The following KIF16B variants were observed in gnomAD, a reference collection of about 807,000 sequenced individuals.
KIF16B encodes kinesin-like protein KIF16B.
KIF16B carries 98 observed loss-of-function variants against 156.3 expected under a neutral mutation model. The observed-to-expected ratio is 0.63, with a 90% CI of 0.53 to 0.74. The LOEUF is 0.74. Among genes scored for constraint, KIF16B ranks in the 30% least tolerant of loss-of-function variants. The pLI is 0.00. For synonymous variants in KIF16B, 564 were observed against 583.7 expected, an observed-to-expected ratio of 0.97 and a Z score of 0.49; for missense variants, 1,421 against 1,606.5, an observed-to-expected ratio of 0.88 and a Z score of 1.97.
chr20:16,497,504 G>C, intron 11 of KIF16B, 109 bp downstream of exon 11: 2 of 811,150 alleles, frequency 2.5e-6, no homozygotes, highest in Admixed American at 4.5e-5. Context: ...AGGAGGCTAA[G>C]TGCAATAAAG....
At chr20:16,501,691 C>T (rs2068631173) in intron 10 of KIF16B, among the ~76,000 whole-genome samples, 1 of 152,098 alleles carries the variant, frequency 6.6e-6, no homozygotes, top group Admixed American at 6.5e-5. Context: ...CTACTACATG[C>T]AACAGCATGG....
intron 12 of KIF16B, among the ~76,000 whole-genome samples, chr20:16,486,360 A>C (rs1352293434): frequency 6.6e-6 from 1 of 152,192 alleles, no homozygotes; most frequent in East Asian, 1.9e-4. Flanking sequence ...TTTCAAACTC[A>C]TAGTAATGCT....
At chr20:16,345,847 C>G (rs1449110507) in intron 23 of KIF16B, among the ~76,000 whole-genome samples, 4 of 152,206 alleles carry the variant, frequency 2.6e-5, no homozygotes, top group Admixed American at 2.6e-4. Context: ...CTTGGGAGAA[C>G]ACAATAGTCT....
At chr20:16,473,668 C>T (rs1333207912) in intron 12 of KIF16B, among the ~76,000 whole-genome samples, 1 of 152,120 alleles carries the variant, frequency 6.6e-6, no homozygotes, top group East Asian at 1.9e-4. Context: ...GCAGTGTGTG[C>T]AGACCTCGGA....
chr20:16,375,759 GT>G (rs1392853970), intron 19 of KIF16B, among the ~76,000 whole-genome samples: 3 of 152,150 alleles, frequency 2.0e-5, no homozygotes, highest in Non-Finnish European at 2.9e-5. Context: ...TCCTGCTGGG[GT>G]TGTTAAGAAT....
At chr20:16,438,814 A>G (rs2066716328) in intron 12 of KIF16B, among the ~76,000 whole-genome samples, 1 of 152,194 alleles carries the variant, frequency 6.6e-6, no homozygotes, top group Non-Finnish European at 1.5e-5. Context: ...ACGTGAATAA[A>G]AACAATACTG....
rs1278483935 is a variant in KIF16B at position 16,309,821 on chromosome 20, T to TTA, written c.3795+2512_3795+2513dup. ...CTTGAATCCATATGTGTTTATGTAT[T>TTA]TATATATATGACTAGGTAAAGTTTC... On this transcript the variant is annotated intron_variant, in intron 25 of 25. Coordinates refer to ENST00000354981, the MANE Select transcript of KIF16B (RefSeq NM_024704.5). Among the ~76,000 whole-genome samples the TTA allele has an allele frequency of 2.0e-5, 3 of 152,186 alleles. No homozygotes were observed. The East Asian group carries it at 5.8e-4, about 29-fold the overall frequency.
chr20:16,464,166 A>C (rs2146698850), intron 12 of KIF16B, among the ~76,000 whole-genome samples: 1 of 152,330 alleles, frequency 6.6e-6, no homozygotes, highest in Admixed American at 6.5e-5. Context: ...ACTAATAATT[A>C]TAATGATAAC....
intron 17 of KIF16B, among the ~76,000 whole-genome samples, chr20:16,397,157 G>A (rs1407428650): frequency 6.6e-6 from 1 of 152,224 alleles, no homozygotes; most frequent in African/African-American, 2.4e-5. Context: ...GGCTTGAGCA[G>A]TCGGCTTGGT....
chr20:16,380,909 G>GGGC (rs2065078158), intron 18 of KIF16B, among the ~76,000 whole-genome samples: 1 of 152,120 alleles, frequency 6.6e-6, no homozygotes, highest in Non-Finnish European at 1.5e-5. Flanking sequence ...CAGGAATACT[G>GGGC]GGCTTCCACC....
At chr20:16,302,475 T>C (rs1387660204) in intron 25 of KIF16B, among the ~76,000 whole-genome samples, 1 of 152,226 alleles carries the variant, frequency 6.6e-6, no homozygotes, top group Non-Finnish European at 1.5e-5. Flanking sequence ...ATTATCTGTC[T>C]ATTCTTTCAC....
chr20:16,547,167 C>A (rs1411811365), intron 1 of KIF16B, among the ~76,000 whole-genome samples: 1 of 152,202 alleles, frequency 6.6e-6, no homozygotes, highest in Non-Finnish European at 1.5e-5. Flanking sequence ...CATGCTGTGT[C>A]CTTCCTGTCC....
At chr20:16,465,645 G>A (rs914621196) in intron 12 of KIF16B, among the ~76,000 whole-genome samples, 5 of 151,940 alleles carry the variant, frequency 3.3e-5, no homozygotes, top group Admixed American at 6.6e-5. Flanking sequence ...TCTTCCAACA[G>A]GAATCCAAAA....
At chr20:16,558,513 A>C (rs2070937017) in intron 1 of KIF16B, among the ~76,000 whole-genome samples, 1 of 152,266 alleles carries the variant, frequency 6.6e-6, no homozygotes, top group Non-Finnish European at 1.5e-5. Flanking sequence ...TCCAGGATAT[A>C]GAAGAAAAAC....
chr20:16,460,527 A>G (rs1391893970), intron 12 of KIF16B, among the ~76,000 whole-genome samples: 2 of 152,048 alleles, frequency 1.3e-5, no homozygotes, highest in Non-Finnish European at 2.9e-5. Flanking sequence ...GCACCACTGC[A>G]CTCAAGCCTG....
chr20:16,279,567 A>T (rs993588257), intron 25 of KIF16B, among the ~76,000 whole-genome samples: 1 of 152,156 alleles, frequency 6.6e-6, no homozygotes, highest in Non-Finnish European at 1.5e-5. Context: ...TCCTTGTAGA[A>T]CACAATCAAG....
intron 1 of KIF16B, among the ~76,000 whole-genome samples, chr20:16,542,540 C>T (rs145499948): frequency 3.2e-4 from 49 of 152,248 alleles, no homozygotes; most frequent in African/African-American, 9.4e-4. Flanking sequence ...GGCAAGCAGC[C>T]AGAAAAGACC....
At chr20:16,481,471 G>A (rs1342134769) in intron 12 of KIF16B, among the ~76,000 whole-genome samples, 1 of 152,138 alleles carries the variant, frequency 6.6e-6, no homozygotes, top group Non-Finnish European at 1.5e-5. Context: ...GATTAAAGGC[G>A]TGAGCTACCA....
chr20:16,406,269 G>A (rs765539068), intron 16 of KIF16B, 105 bp downstream of exon 16: 23 of 896,872 alleles, frequency 2.6e-5, no homozygotes, highest in South Asian at 1.1e-4. Flanking sequence ...ACTTTTCCAC[G>A]GTTCTGCACC....
Sources: gnomAD v4.1 joint callset for allele counts (sites outside exome capture counted in the v4.1 genomes callset) on GRCh38, gnomAD v4.1.1 for gene constraint, MANE v1.5 for transcripts, NCBI Gene and HGNC (gene_info 2026-07-23, HGNC 2026-07-21) for gene names.